The following ECT2L variants were observed in gnomAD, a reference collection of about 807,000 sequenced individuals.
The protein encoded by ECT2L is epithelial cell-transforming sequence 2 oncogene-like.
A neutral mutation model predicts 122.8 loss-of-function variants in ECT2L; 126 were observed. The ratio of observed to expected loss-of-function variants is 1.03; its 90% CI spans 0.89 to 1.19. The LOEUF is 1.19. Among genes scored for constraint, ECT2L ranks in the 50% most tolerant of loss-of-function variants. ECT2L has a pLI of 0.00. For missense variants in ECT2L, 1,012 were observed against 1,064.1 expected (o/e 0.95, Z 0.68); for synonymous variants, 385 against 381.8 (o/e 1.01, Z -0.10).
Position 138,862,616 on chromosome 6 carries a change from T to C in ECT2L, c.1199-11T>C. The C allele has an allele frequency of 6.2e-7, 1 of 1,613,380 alleles. No individual in the cohort carries two copies. Among genetic ancestry groups the C allele is most frequent in the Non-Finnish European group, 8.5e-7 (1 of 1,179,334 alleles). Reference sequence around the variant, plus strand: ...ATGAGGAAACTAACGAAAGTGTTTTTGACTATGCAGAGGCAGGAATTGAAG... The same window carrying C: ...ATGAGGAAACTAACGAAAGTGTTTTCGACTATGCAGAGGCAGGAATTGAAG... On this transcript the variant is annotated splice_polypyrimidine_tract_variant and intron_variant, in intron 10 of 21. Transcript: ENST00000541398.
At chr6:138,817,121 TGTCA>T (rs1489224320) in intron 4 of ECT2L, among the ~76,000 whole-genome samples, 1 of 152,242 alleles carries the variant, frequency 6.6e-6, no homozygotes, top group Admixed American at 6.5e-5. Flanking sequence ...TTGTTACACA[TGTCA>T]GTACTTCTTT....
intron 1 of ECT2L, among the ~76,000 whole-genome samples, chr6:138,797,990 C>T (rs1290766915): frequency 3.3e-5 from 5 of 152,148 alleles, no homozygotes; most frequent in Non-Finnish European, 7.3e-5. Flanking sequence ...GAGTGACTCA[C>T]GGAATTCAAG....
chr6:138,880,446 C>T (rs1447534483), intron 14 of ECT2L, among the ~76,000 whole-genome samples: 2 of 152,188 alleles, frequency 1.3e-5, no homozygotes, highest in Admixed American at 6.5e-5. Flanking sequence ...ACATTGGCTA[C>T]ACCTGAATTT....
intron 14 of ECT2L, among the ~76,000 whole-genome samples, chr6:138,878,453 T>C (rs1200055617): frequency 6.6e-6 from 1 of 152,060 alleles, no homozygotes; most frequent in Non-Finnish European, 1.5e-5. Context: ...TTTGTTTTTG[T>C]TTTTGTTTTT....
At chr6:138,884,682 C>G (rs564772096) in intron 16 of ECT2L, among the ~76,000 whole-genome samples, 1 of 151,996 alleles carries the variant, frequency 6.6e-6, no homozygotes, top group South Asian at 2.1e-4. Context: ...CAGTAGAATA[C>G]CTGTATAATA....
intron 10 of ECT2L, among the ~76,000 whole-genome samples, chr6:138,860,108 A>G (rs1408604209): frequency 6.6e-6 from 1 of 152,184 alleles, no homozygotes; most frequent in Non-Finnish European, 1.5e-5. Flanking sequence ...TACAGGCATG[A>G]GCCACCGCGC....
At position 138,846,596 on chromosome 6, in the gene ECT2L, A is replaced by G; in HGVS notation, c.822A>G (p.Gly274=). The change falls in exon 8 of 22, where the codon GGA becomes GGG. Residue 274 remains glycine (G), a synonymous_variant. Transcript: ENST00000541398. The part of the protein sequence containing the change: ...YPLLSKKNWH[G]VHKNDDRSSY... ...TATTATCAAAGAAAAATTGGCATGG[A>G]GTTCATAAAAATGATGACAGATCTT... The G allele has an allele frequency of 6.2e-7, 1 of 1,611,204 alleles. No individual in the cohort carries two copies. Among genetic ancestry groups the G allele is most frequent in the South Asian group, 1.1e-5 (1 of 90,228 alleles).
rs1583571782 is a variant in ECT2L, at chr6:138,835,411, T to C, written c.180-2941T>C. 2.0e-5 allele frequency among the ~76,000 whole-genome samples: 3 copies of C among 151,852 alleles called. No homozygotes were observed. The South Asian group carries it at 6.3e-4, about 32-fold the overall frequency. Reference sequence around the variant, plus strand: ...TAAAAATACAAAAAAATTAGCCGGGTATGGTGGTGCATGCCTGGAGTCCCC... The same window carrying C: ...TAAAAATACAAAAAAATTAGCCGGGCATGGTGGTGCATGCCTGGAGTCCCC... On this transcript the variant is annotated intron_variant, in intron 4 of 21. Transcript: ENST00000541398.
chr6:138,880,700 A>G (rs993256162), intron 14 of ECT2L, among the ~76,000 whole-genome samples: 2 of 152,168 alleles, frequency 1.3e-5, no homozygotes, highest in Admixed American at 6.5e-5. Context: ...ATGGATAAAA[A>G]TAAGTTTCAA....
At chr6:138,815,966 C>T (rs1776054210) in intron 4 of ECT2L, among the ~76,000 whole-genome samples, 1 of 152,206 alleles carries the variant, frequency 6.6e-6, no homozygotes, top group Non-Finnish European at 1.5e-5. Context: ...AACGGACTCT[C>T]CCCATGGAGT....
intron 10 of ECT2L, 69 bp downstream of exon 10, chr6:138,854,223 G>C (rs1777540970): frequency 6.7e-7 from 1 of 1,486,762 alleles, no homozygotes; most frequent in East Asian, 2.3e-5. Context: ...GTGAATTATT[G>C]AAGTGCCCCT....
Position 138,890,492 on chromosome 6 carries a change from C to CTTTTTTTTTTTTTTTTTTTTTTTTTTT in ECT2L, c.2414+1463_2414+1489dup, listed in dbSNP as rs552594959. 9.2e-4 allele frequency among the ~76,000 whole-genome samples: 73 copies of CTTTTTTTTTTTTTTTTTTTTTTTTTTT among 78,986 alleles called. 6 individuals are homozygous for CTTTTTTTTTTTTTTTTTTTTTTTTTTT. The highest frequency in any genetic ancestry group is 8.2e-3 in the Middle Eastern group (1 of 122). 51.8% of individuals were successfully genotyped at this position (78,986 alleles called of 152,430 possible). ...TCATGACATTTTTGTTTTCTTTGATCTTTTTTTTTTTTTTTTTTTTTTTTT... is the reference window on the plus strand; with the variant it reads ...TCATGACATTTTTGTTTTCTTTGATCTTTTTTTTTTTTTTTTTTTTTTTTTTTTTTTTTTTTTTTTTTTTTTTTTTTT... On this transcript the variant is annotated intron_variant, in intron 20 of 21. Coordinates refer to ENST00000541398, the MANE Select transcript of ECT2L (RefSeq NM_001077706.3).
At chr6:138,853,045 G>C (rs1777504457) in intron 9 of ECT2L, among the ~76,000 whole-genome samples, 1 of 152,130 alleles carries the variant, frequency 6.6e-6, no homozygotes, top group Non-Finnish European at 1.5e-5. Flanking sequence ...TTGGCTCACT[G>C]CAACCTCCAC....
chr6:138,846,525 C>T lies in ECT2L; in HGVS notation c.765-14C>T. ...AGAAAATGAAAACTTCTCATATTTC[C>T]TTTTACTCCATAGAAGCAATATTTC... On this transcript the variant is annotated splice_polypyrimidine_tract_variant and intron_variant, in intron 7 of 21. Coordinates refer to ENST00000541398, the MANE Select transcript of ECT2L (RefSeq NM_001077706.3). 6.4e-7 allele frequency: 1 copy of T among 1,565,906 alleles called. No homozygotes were observed. The highest frequency in any genetic ancestry group is 8.6e-7 in the Non-Finnish European group (1 of 1,160,690).
chr6:138,851,080 T>C (rs1777433566), intron 9 of ECT2L, among the ~76,000 whole-genome samples: 2 of 150,528 alleles, frequency 1.3e-5, no homozygotes, highest in Non-Finnish European at 3.0e-5. Context: ...TCCATAGCAG[T>C]TGCATCATTT....
At chr6:138,899,119 A>G (rs1047571095) in intron 20 of ECT2L, among the ~76,000 whole-genome samples, 1 of 152,060 alleles carries the variant, frequency 6.6e-6, no homozygotes, top group African/African-American at 2.4e-5. Context: ...TATGTAAGAA[A>G]TCGTTTGTTG....
At chr6:138,817,601 ATTTTC>A (rs995849707) in intron 4 of ECT2L, among the ~76,000 whole-genome samples, 1 of 152,112 alleles carries the variant, frequency 6.6e-6, no homozygotes, top group African/African-American at 2.4e-5. Flanking sequence ...TGTCAACACA[ATTTTC>A]TTTTAAAAAA....
At chr6:138,846,447 T>C (rs1777223401) in intron 7 of ECT2L, 92 bp from the exon 8 acceptor site, 2 of 1,275,878 alleles carry the variant, frequency 1.6e-6, no homozygotes, top group Non-Finnish European at 2.1e-6. Context: ...CCTTGTAGAG[T>C]AGAGCTGATG....
intron 13 of ECT2L, among the ~76,000 whole-genome samples, chr6:138,871,416 G>A (rs1778246508): frequency 6.6e-6 from 1 of 152,186 alleles, no homozygotes. Context: ...GACAGTGCAG[G>A]GCAGGGCAGG....
Sources: gnomAD v4.1 joint callset for allele counts (sites outside exome capture counted in the v4.1 genomes callset) on GRCh38, gnomAD v4.1.1 for gene constraint, MANE v1.5 for transcripts, NCBI Gene and HGNC (gene_info 2026-07-23, HGNC 2026-07-21) for gene names.